Variants in ZNF629 observed in about 807,000 individuals in gnomAD.
The protein encoded by ZNF629 is DNA-binding protein.
Under a neutral mutation model 59.7 loss-of-function variants are expected in ZNF629, and 9 were observed. The observed-to-expected ratio is 0.15, with a 90% CI of 0.09 to 0.26. The LOEUF (loss-of-function observed/expected upper bound fraction) is 0.26. ZNF629 is among the 10% of genes least tolerant of loss of function. The pLI is 1.00. For missense variants in ZNF629, 853 were observed against 1,165.4 expected (o/e 0.73, Z 3.90); for synonymous variants, 509 against 498.9 (o/e 1.02, Z -0.27).
rs2054281424 is a variant in ZNF629, at chr16:30,781,647, TA to T, written c.*70del. The T allele has an allele frequency of 7.0e-7, 1 of 1,420,188 alleles. No homozygotes were observed. The highest frequency in any genetic ancestry group is 9.3e-7 in the Non-Finnish European group (1 of 1,072,160). 88.0% of individuals were successfully genotyped at this position (1,420,188 alleles called of 1,614,324 possible). The stretch of plus-strand genomic sequence containing the variant: ...ATAGGGTTATCCTCCCTTCCCCATG[TA>T]ATTTTTTTGGGGGAAAAAATCCAGT... On this transcript the variant is annotated 3_prime_UTR_variant, in exon 3 of 3. Coordinates refer to ENST00000262525, the MANE Select transcript of ZNF629 (RefSeq NM_001080417.3).
At position 30,782,484 on chromosome 16, in the gene ZNF629, C is replaced by A; in HGVS notation, c.1844G>T (p.Arg615Leu). The change falls in exon 3 of 3, where the codon CGA (arginine) becomes CTA (leucine). Residue 615 changes from arginine to leucine, a missense_variant. Arg to Leu is a moderately radical substitution (Grantham distance 102, BLOSUM62 -2). This residue lies in a region of ZNF629 where 420 missense variants were observed against 435.6 expected (regional missense o/e 0.96). Coordinates refer to ENST00000262525, the MANE Select transcript of ZNF629 (RefSeq NM_001080417.3). Reference protein sequence around the residue: ...AHAAPKPPQLRSPRLPFRGNS... With the variant: ...AHAAPKPPQLLSPRLPFRGNS... ...CCCTCTGAAAGGGAGCCTTGGGGAT[C>A]GTAACTGAGGAGGTTTGGGGGCTGC... 6.4e-7 allele frequency: 1 copy of A among 1,567,156 alleles called. No homozygotes were observed. The highest frequency in any genetic ancestry group is 8.7e-7 in the Non-Finnish European group (1 of 1,155,440).
chr16:30,784,049 G>T lies in ZNF629; in HGVS notation c.279C>A (p.Asp93Glu). The change falls in exon 3 of 3, where the codon GAC (aspartate) becomes GAA (glutamate). Residue 93 changes from aspartate (D) to glutamate (E), a missense_variant. Transcript: ENST00000262525. The part of the protein sequence containing the change: ...SNPLDHQIPL[D>E]PPAPEVVPTP... ...TAGGGACTACCTCCGGGGCTGGGGG[G>T]TCCAGGGGGATCTGGTGGTCCAAGG... 3 of 1,587,642 alleles carry T rather than the reference G, an allele frequency of 1.9e-6. No individual in the cohort carries two copies. Among genetic ancestry groups the T allele is most frequent in the Non-Finnish European group, 2.6e-6 (3 of 1,169,100 alleles).
rs1464550910 is a variant in ZNF629, at chr16:30,779,541, G to A, written c.*2177C>T. 1 of 152,166 alleles carries A rather than the reference G, an allele frequency of 6.6e-6. No individual in the cohort carries two copies. Among genetic ancestry groups the A allele is most frequent in the Non-Finnish European group, 1.5e-5 (1 of 68,056 alleles). The allele number at this position is 152,166 out of a possible 1,614,324, so 9.4% of individuals were successfully genotyped here. Reference sequence around the variant, plus strand: ...CCCTTCCTGGCACTTGGATAGGCTGGGGCGTTATGCAGATGGCAACATGGT... The same window carrying A: ...CCCTTCCTGGCACTTGGATAGGCTGAGGCGTTATGCAGATGGCAACATGGT... On this transcript the variant is annotated 3_prime_UTR_variant, in exon 3 of 3. Transcript: ENST00000262525.
rs1274321401 is a variant in ZNF629, at chr16:30,783,245, G to A, written c.1083C>T (p.Leu361=). The A allele has an allele frequency of 6.2e-7, 1 of 1,611,518 alleles. No individual in the cohort carries two copies. The highest frequency in any genetic ancestry group is 8.5e-7 in the Non-Finnish European group (1 of 1,179,244). ...CGKSFGHSST[L]IKHQRTHLRE... is the part of the protein sequence containing the mutation. ...GCAGGTGAGTCCGCTGGTGCTTGAT[G>A]AGGGTGGAGCTGTGGCCGAAGCTCT... The change falls in exon 3 of 3, where the codon CTC becomes CTT. Residue 361 remains leucine (L), a synonymous_variant. Transcript: ENST00000262525.
chr16:30,785,236 T>C (rs2054321801), intron 1 of ZNF629, among the ~76,000 whole-genome samples: 1 of 152,166 alleles, frequency 6.6e-6, no homozygotes, highest in Non-Finnish European at 1.5e-5. Flanking sequence ...GTCATTTCTC[T>C]CACCCAGTCC....
chr16:30,782,510 G>C lies in ZNF629; in HGVS notation c.1818C>G (p.His606Gln), dbSNP rs1291331374. 8 of 1,564,740 alleles carry C rather than the reference G, an allele frequency of 5.1e-6. No homozygotes were observed. The highest frequency in any genetic ancestry group is 6.9e-6 in the Non-Finnish European group (8 of 1,154,030). The change falls in exon 3 of 3, where the codon CAC (histidine) becomes CAG (glutamine). Residue 606 changes from histidine (H) to glutamine (Q), a missense_variant. His to Gln is a conservative substitution (Grantham distance 24, BLOSUM62 0). Coordinates refer to ENST00000262525, the MANE Select transcript of ZNF629 (RefSeq NM_001080417.3). ...PYKNADGLIA[H>Q]AAPKPPQLRS... ...GTAACTGAGGAGGTTTGGGGGCTGC[G>C]TGTGCGATGAGGCCGTCTGCATTTT...
rs1423747417 is a variant in ZNF629, at chr16:30,786,490, C to T, written c.-34+538G>A. On this transcript the variant is annotated intron_variant, in intron 1 of 2. Transcript: ENST00000262525. The surrounding 1 kb of genome is among the most constrained non-coding windows in gnomAD (Gnocchi z 4.8). ...GCGCTGGGAGCCCAGGCGCCAGGCA[C>T]GCCAGCCTGAGACCTCGCGATGGCC... Among the ~76,000 whole-genome samples the T allele has an allele frequency of 1.3e-5, 2 of 152,196 alleles. No homozygotes were observed. Among genetic ancestry groups the T allele is most frequent in the African/African-American group, 4.8e-5 (2 of 41,460 alleles).
chr16:30,785,761 C>A (rs2151344715), intron 1 of ZNF629, among the ~76,000 whole-genome samples: 1 of 152,084 alleles, frequency 6.6e-6, no homozygotes, highest in African/African-American at 2.4e-5. Flanking sequence ...AGTGAGATGT[C>A]CCTAGCCCCT....
Position 30,780,839 on chromosome 16 carries a change from A to G in ZNF629, c.*879T>C, listed in dbSNP as rs1309582025. On this transcript the variant is annotated 3_prime_UTR_variant, in exon 3 of 3. Coordinates refer to ENST00000262525, the MANE Select transcript of ZNF629 (RefSeq NM_001080417.3). ...CCCCACCTTGGTTTGCTCCCCTCAA[A>G]GCAATCTAACAGAAACTGCCCCCTG... 1 of 152,154 alleles carries G rather than the reference A, an allele frequency of 6.6e-6. No homozygotes were observed. The highest frequency in any genetic ancestry group is 1.5e-5 in the Non-Finnish European group (1 of 68,034). 9.4% of individuals were successfully genotyped at this position (152,154 alleles called of 1,614,324 possible).
Position 30,782,711 on chromosome 16 carries a change from C to A in ZNF629, c.1617G>T (p.Gly539=). ...LEQHRVIHER[G]KTPARRAQGD... ...CCTGGGCCCTACGCGCTGGGGTCTT[C>A]CCCCTCTCATGGATCACCCGGTGCT... Residue 539 remains glycine (G), a synonymous_variant, in exon 3 of 3, where the codon GGG becomes GGT. Transcript: ENST00000262525. The A allele has an allele frequency of 6.2e-7, 1 of 1,612,380 alleles. No homozygotes were observed. Among genetic ancestry groups the A allele is most frequent in the Non-Finnish European group, 8.5e-7 (1 of 1,179,538 alleles).
rs1341071382 is a variant in ZNF629 at position 30,779,882 on chromosome 16, G to C, written c.*1836C>G. On this transcript the variant is annotated 3_prime_UTR_variant, in exon 3 of 3. Transcript: ENST00000262525. Reference sequence around the variant, plus strand: ...TGGGGTTGGCAAGCACTTCCTTTCTGACCCAGCGCTGAGCAGAGTCCTCTC... The same window carrying C: ...TGGGGTTGGCAAGCACTTCCTTTCTCACCCAGCGCTGAGCAGAGTCCTCTC... The C allele has an allele frequency of 1.3e-5, 2 of 152,148 alleles. No individual in the cohort carries two copies. Among genetic ancestry groups the C allele is most frequent in the Non-Finnish European group, 1.5e-5 (1 of 68,050 alleles). The allele number at this position is 152,148 out of a possible 1,614,324, so 9.4% of individuals were successfully genotyped here.
rs1025293054 is a variant in ZNF629, at chr16:30,779,622, T to C, written c.*2096A>G. On this transcript the variant is annotated 3_prime_UTR_variant, in exon 3 of 3. Transcript: ENST00000262525. ...CCTCTCCCCAGCAGGCCTGGCGTTT[T>C]CCTCCCACAATGTTTGAGATTTTGA... 1.3e-5 allele frequency: 2 copies of C among 152,134 alleles called. No individual in the cohort carries two copies. The highest frequency in any genetic ancestry group is 4.8e-5 in the African/African-American group (2 of 41,398). The allele number at this position is 152,134 out of a possible 1,614,324, so 9.4% of individuals were successfully genotyped here. A position where few individuals can be genotyped will look rare whatever the true frequency, so the allele number is the denominator to read the frequency against.
chr16:30,782,834 G>A lies in ZNF629; in HGVS notation c.1494C>T (p.Ser498=), dbSNP rs546891118. Residue 498 remains serine, a synonymous_variant, in exon 3 of 3, where the codon AGC becomes AGT. Transcript: ENST00000262525. ...CPECGKSFSQ[S]SNLITHVRTH... ...TGCGGACGTGGGTAATAAGGTTGGA[G>A]CTCTGGCTGAAGCTCTTGCCGCACT... 6 of 1,614,188 alleles carry A rather than the reference G, an allele frequency of 3.7e-6. No individual in the cohort carries two copies. In the African/African-American group the frequency reaches 8.0e-5, roughly 22 times the overall value.
chr16:30,784,260 G>A lies in ZNF629; in HGVS notation c.74-6C>T. The stretch of plus-strand genomic sequence containing the variant: ...TTCGTTTTCACTCTCGGCACCTACA[G>A]AAAGAAAGGGAGTCTACAGCCCCCA... On this transcript the variant is annotated splice_region_variant and splice_polypyrimidine_tract_variant and intron_variant, in intron 2 of 2. Coordinates refer to ENST00000262525, the MANE Select transcript of ZNF629 (RefSeq NM_001080417.3). 1 of 1,591,736 alleles carries A rather than the reference G, an allele frequency of 6.3e-7. No homozygotes were observed. The highest frequency in any genetic ancestry group is 8.5e-7 in the Non-Finnish European group (1 of 1,173,744).
At position 30,782,313 on chromosome 16, in the gene ZNF629, A is replaced by T; in HGVS notation, c.2015T>A (p.Leu672Gln). ...YICSHCGESFLDRSVLLQHQL... is the reference protein window; with the variant it reads ...YICSHCGESFQDRSVLLQHQL... ...ATGCTGGAGGAGCACAGAGCGATCC[A>T]GGAAGCTCTCTCCGCAGTGGGAGCA... Residue 672 changes from leucine (L) to glutamine (Q), a missense_variant, in exon 3 of 3, where the codon CTG (leucine) becomes CAG (glutamine). This residue lies in a region of ZNF629 where 420 missense variants were observed against 435.6 expected (regional missense o/e 0.96). Transcript: ENST00000262525. The T allele has an allele frequency of 6.2e-7, 1 of 1,609,634 alleles. No homozygotes were observed.
In ZNF629 at chr16:30,784,182, G is replaced by A. The variant is rs2054310115; in HGVS notation, c.146C>T (p.Pro49Leu). Residue 49 changes from proline (P) to leucine (L), a missense_variant, in exon 3 of 3, where the codon CCG (proline) becomes CTG (leucine). Physicochemically the swap from Pro to Leu is moderately conservative, Grantham distance 98. Transcript: ENST00000262525. Reference sequence around the variant, plus strand: ...GTCCTTGGATTCTGGACTCTGAGCCGGGTCTCCCATGATGATCTCCTCCCC... The same window carrying A: ...GTCCTTGGATTCTGGACTCTGAGCCAGGTCTCCCATGATGATCTCCTCCCC... ...SSGEEIIMGD[P>L]AQSPESKDST... The A allele has an allele frequency of 6.2e-6, 10 of 1,609,394 alleles. No individual in the cohort carries two copies. Among genetic ancestry groups the A allele is most frequent in the Middle Eastern group, 1.7e-4 (1 of 5,930 alleles).
rs1482684153 is a variant in ZNF629 at position 30,782,120 on chromosome 16, A to G, written c.2208T>C (p.His736=). 2.5e-6 allele frequency: 4 copies of G among 1,610,432 alleles called. No homozygotes were observed. In the South Asian group the frequency reaches 3.3e-5, roughly 13 times the overall value. The change falls in exon 3 of 3, where the codon CAT becomes CAC. Residue 736 remains histidine, a synonymous_variant. Transcript: ENST00000262525. Reference sequence around the variant, plus strand: ...TCTTCTGGGAGCTCTTCCCGCCTGCATGGACTTTCTGGTGCAGCAGCAGCT... The same window carrying G: ...TCTTCTGGGAGCTCTTCCCGCCTGCGTGGACTTTCTGGTGCAGCAGCAGCT... ...SSELLLHQKV[H]AGGKSSQKSP...
chr16:30,781,799 CAGAT>C lies in ZNF629; in HGVS notation c.2525_2528del (p.Tyr842CysfsTer63). 5 of 1,611,028 alleles carry C rather than the reference CAGAT, an allele frequency of 3.1e-6. No homozygotes were observed. Among genetic ancestry groups the C allele is most frequent in the Non-Finnish European group, 3.4e-6 (4 of 1,178,374 alleles). On this transcript the variant is annotated frameshift_variant, in exon 3 of 3. Transcript: ENST00000262525. LOFTEE classifies it high-confidence loss of function. The stretch of plus-strand genomic sequence containing the variant: ...TGAAGCCGGCTCCACACTCGGGGCA[CAGAT>C]AGGGCTTTTCTTCCACTAGGGTTTT...
rs2054285290 is a variant in ZNF629, at chr16:30,781,948, T to C, written c.2380A>G (p.Lys794Glu). ...TRHQETHTQE[K>E]PPNPEDPPPE... Reference sequence around the variant, plus strand: ...GGGGGGTCCTCGGGATTGGGGGGTTTTTCCTGGGTGTGGGTTTCTTGGTGC... The same window carrying C: ...GGGGGGTCCTCGGGATTGGGGGGTTCTTCCTGGGTGTGGGTTTCTTGGTGC... The change falls in exon 3 of 3, where the codon AAA becomes GAA. Residue 794 changes from lysine to glutamate, a missense_variant. This residue lies in a region of ZNF629 where 420 missense variants were observed against 435.6 expected (regional missense o/e 0.96). Transcript: ENST00000262525. 2 of 1,540,294 alleles carry C rather than the reference T, an allele frequency of 1.3e-6. No individual in the cohort carries two copies. The highest frequency in any genetic ancestry group is 1.7e-6 in the Non-Finnish European group (2 of 1,145,546).
Sources: gnomAD v4.1 joint callset for allele counts (sites outside exome capture counted in the v4.1 genomes callset) on GRCh38, gnomAD v4.1.1 for gene constraint, gnomAD v4.1.1 regional missense constraint, Gnocchi (gnomAD v3.1) non-coding constraint, MANE v1.5 for transcripts, NCBI Gene and HGNC (gene_info 2026-07-23, HGNC 2026-07-21) for gene names.